ANKRD11: variants seen among roughly 807,000 people sequenced by gnomAD.
ANKRD11 encodes the protein ankyrin repeat domain-containing protein 11.
ANKRD11 carries 17 observed loss-of-function variants against 195.7 expected under a neutral mutation model. That is an observed-to-expected ratio of 0.09 (90% confidence interval 0.06 to 0.13). The LOEUF is 0.13. Among genes scored for constraint, ANKRD11 ranks in the 10% least tolerant of loss-of-function variants. ANKRD11 has a pLI of 1.00. For synonymous variants in ANKRD11, 1,953 were observed against 1,528.1 expected, an observed-to-expected ratio of 1.28 and a Z score of -6.49; for missense variants, 3,735 against 3,566.1, an observed-to-expected ratio of 1.05 and a Z score of -1.21.
rs566121190 is a variant in ANKRD11, at chr16:89,375,152, C to T, written c.-60+43132G>A. On this transcript the variant is annotated intron_variant, in intron 2 of 12. Coordinates refer to ENST00000301030, the MANE Select transcript of ANKRD11 (RefSeq NM_013275.6). ...AGTGCGGGACATACCACACTGCACGCTGTAATGATCTCACAGCCACAGCCT... is the reference window on the plus strand; with the variant it reads ...AGTGCGGGACATACCACACTGCACGTTGTAATGATCTCACAGCCACAGCCT... Among the ~76,000 whole-genome samples, 3 of 152,198 alleles carry T rather than the reference C, an allele frequency of 2.0e-5. No individual in the cohort carries two copies. In the South Asian group the frequency reaches 6.2e-4, roughly 32 times the overall value.
At chr16:89,361,075 C>T (rs557692762) in intron 2 of ANKRD11, among the ~76,000 whole-genome samples, 7 of 152,326 alleles carry the variant, frequency 4.6e-5, no homozygotes, top group African/African-American at 1.7e-4. Context: ...GCCCCTGCTG[C>T]AATGGCACCT....
chr16:89,341,656 C>T (rs2038665971), intron 2 of ANKRD11, among the ~76,000 whole-genome samples: 2 of 152,242 alleles, frequency 1.3e-5, no homozygotes, highest in African/African-American at 2.4e-5. Context: ...GGAGCAATGC[C>T]ACGTATGCAA....
At chr16:89,330,471 C>T (rs909765687) in intron 2 of ANKRD11, among the ~76,000 whole-genome samples, 14 of 151,912 alleles carry the variant, frequency 9.2e-5, no homozygotes, top group African/African-American at 3.4e-4. Flanking sequence ...GACACGGCTG[C>T]GGATGTGTGG....
At chr16:89,355,210 G>A (rs1389089665) in intron 2 of ANKRD11, among the ~76,000 whole-genome samples, 1 of 151,954 alleles carries the variant, frequency 6.6e-6, no homozygotes, top group African/African-American at 2.4e-5. Flanking sequence ...CTCGGGAGGC[G>A]GGCAGAGGGC....
intron 1 of ANKRD11, among the ~76,000 whole-genome samples, chr16:89,478,617 C>T (rs569598775): frequency 1.3e-5 from 2 of 152,316 alleles, no homozygotes; most frequent in South Asian, 4.1e-4. Context: ...AGTCACCCCC[C>T]AGAGCGAAGC....
Position 89,357,075 on chromosome 16 carries a change from A to G in ANKRD11, c.-59-39997T>C, listed in dbSNP as rs1425733859. ...TCTAAAAATCTACCACAGAATAGCC[A>G]AAGGGCAGTGGTGGGGATGAGGATG... On this transcript the variant is annotated intron_variant, in intron 2 of 12. Coordinates refer to ENST00000301030, the MANE Select transcript of ANKRD11 (RefSeq NM_013275.6). 5.9e-5 allele frequency among the ~76,000 whole-genome samples: 9 copies of G among 152,364 alleles called. No individual in the cohort carries two copies. In the East Asian group the frequency reaches 1.5e-3, roughly 26 times the overall value.
intron 2 of ANKRD11, among the ~76,000 whole-genome samples, chr16:89,412,005 T>A (rs568488942): frequency 9.2e-6 from 1 of 108,278 alleles, no homozygotes; most frequent in African/African-American, 3.8e-5. Context: ...CAGAGTCTCC[T>A]GGCCGTGCCC....
In ANKRD11 at chr16:89,279,165, C is replaced by T. The variant is rs1262286187; in HGVS notation, c.7377G>A (p.Thr2459=). The stretch of plus-strand genomic sequence containing the variant: ...CGGCGTAGCACTGGGGCGCCTGCGG[C>T]GTGATACAGCACAGGATCTTGCGCT... ...EEKRKILCCI[T]PQAPQCYAEY... Residue 2459 remains threonine, a synonymous_variant, in exon 9 of 13, where the codon ACG becomes ACA. Transcript: ENST00000301030. This position sits in a 1 kb window ranked among gnomAD's most constrained non-coding sequence, Gnocchi z 5.6. The T allele has an allele frequency of 2.5e-6, 4 of 1,613,096 alleles. No homozygotes were observed. Among genetic ancestry groups the T allele is most frequent in the Non-Finnish European group, 3.4e-6 (4 of 1,179,956 alleles).
chr16:89,397,984 A>G (rs1490551360), intron 2 of ANKRD11, among the ~76,000 whole-genome samples: 1 of 152,232 alleles, frequency 6.6e-6, no homozygotes, highest in Non-Finnish European at 1.5e-5. Context: ...CACCCACCAA[A>G]AACAACCACA....
chr16:89,329,994 C>CT (rs1597668289), intron 2 of ANKRD11, among the ~76,000 whole-genome samples: 2 of 73,468 alleles, frequency 2.7e-5, no homozygotes, highest in East Asian at 7.5e-4. Flanking sequence ...GACCTTGTCT[C>CT]AAAAATAAAA....
intron 2 of ANKRD11, among the ~76,000 whole-genome samples, chr16:89,359,338 C>T (rs982354763): frequency 1.3e-5 from 2 of 152,268 alleles, no homozygotes; most frequent in East Asian, 1.9e-4. Context: ...ACAACTCAAT[C>T]GCACGTACAG....
intron 7 of ANKRD11, 173 bp downstream of exon 7, chr16:89,288,355 G>T (rs1031058685): frequency 2.2e-5 from 24 of 1,069,434 alleles, no homozygotes; most frequent in Non-Finnish European, 2.9e-5. Flanking sequence ...TGACCCAGAA[G>T]GGGAAAGCTG....
chr16:89,270,415 G>C (rs1419212385), intron 12 of ANKRD11: 1 of 347,376 alleles, frequency 2.9e-6, no homozygotes, highest in Non-Finnish European at 5.6e-6. Context: ...CTCGCGACCG[G>C]GATAAGGGTG....
At position 89,285,070 on chromosome 16, in the gene ANKRD11, T is replaced by C. The variant is rs1179219810; in HGVS notation, c.1472A>G (p.Asp491Gly). 2.5e-6 allele frequency: 4 copies of C among 1,613,796 alleles called. No homozygotes were observed. The highest frequency in any genetic ancestry group is 2.2e-5 in the South Asian group (2 of 91,078). The change falls in exon 9 of 13, where the codon GAT becomes GGT. Residue 491 changes from aspartate to glycine, a missense_variant. Coordinates refer to ENST00000301030, the MANE Select transcript of ANKRD11 (RefSeq NM_013275.6). The surrounding 1 kb of genome is among the most constrained non-coding windows in gnomAD (Gnocchi z 5.6). ...SESESSESGE[D>G]DRDSLGSSGC... ...AGAGCTCCCCAGAGAGTCCCTGTCA[T>C]CCTCCCCACTCTCTGAGGACTCGCT...
intron 3 of ANKRD11, chr16:89,313,494 CA>C: frequency 7.8e-7 from 1 of 1,289,232 alleles, no homozygotes; most frequent in Non-Finnish European, 1.0e-6. Flanking sequence ...CACAAGCCGT[CA>C]GGTCAGCGCG....
chr16:89,469,853 G>A (rs921939606), intron 1 of ANKRD11, among the ~76,000 whole-genome samples: 4 of 148,144 alleles, frequency 2.7e-5, no homozygotes, highest in African/African-American at 5.0e-5. Flanking sequence ...AGCCAAGATC[G>A]CGCCCGGAGA....
intron 1 of ANKRD11, among the ~76,000 whole-genome samples, chr16:89,442,590 G>A (rs2043565233): frequency 6.6e-6 from 1 of 152,130 alleles, no homozygotes; most frequent in South Asian, 2.1e-4. Flanking sequence ...TATCATTCAG[G>A]AACGGTTTTA....
chr16:89,449,269 G>A (rs1027764985), intron 1 of ANKRD11, among the ~76,000 whole-genome samples: 2 of 152,050 alleles, frequency 1.3e-5, no homozygotes, highest in African/African-American at 4.8e-5. Context: ...GGAGGCTGAG[G>A]TGGGAGGATC....
At chr16:89,333,883 TG>T (rs1242100276) in intron 2 of ANKRD11, among the ~76,000 whole-genome samples, 6 of 152,086 alleles carry the variant, frequency 3.9e-5, no homozygotes, top group African/African-American at 1.4e-4. Flanking sequence ...TCCCAGTATG[TG>T]GGCGTGTGTT....
Sources: allele counts gnomAD v4.1 joint callset (sites outside exome capture counted in the v4.1 genomes callset), GRCh38; gene constraint gnomAD v4.1.1; non-coding constraint Gnocchi (gnomAD v3.1); transcripts MANE v1.5; gene names NCBI Gene and HGNC (gene_info 2026-07-23, HGNC 2026-07-21).